USF3: variants seen among roughly 807,000 people sequenced by gnomAD.
The protein encoded by USF3 is basic helix-loop-helix domain-containing protein USF3.
A neutral mutation model predicts 157.5 loss-of-function variants in USF3; 29 were observed. That is an observed-to-expected ratio of 0.18 (90% CI 0.14 to 0.25). The LOEUF (loss-of-function observed/expected upper bound fraction) is 0.25, where lower values mean the gene tolerates loss of function less well. Ranked by LOEUF, USF3 falls within the 10% of genes least tolerant of loss-of-function variation. The pLI, the probability that USF3 is intolerant of heterozygous loss-of-function variation, is 1.00. For missense variants in USF3, 2,381 were observed against 2,667.6 expected (o/e 0.89, Z 2.37); for synonymous variants, 893 against 941.4 (o/e 0.95, Z 0.94).
chr3:113,675,096 G>A (rs1707246712), intron 2 of USF3, among the ~76,000 whole-genome samples, 200 bp from the exon 3 acceptor site: 1 of 152,290 alleles, frequency 6.6e-6, no homozygotes, highest in African/African-American at 2.4e-5. Context: ...GTAGAAAATG[G>A]TGAATATCAA....
chr3:113,658,792 T>C lies in USF3; in HGVS notation c.2890A>G (p.Thr964Ala). 1.9e-6 allele frequency: 3 copies of C among 1,614,196 alleles called. No homozygotes were observed. Among genetic ancestry groups the C allele is most frequent in the African/African-American group, 1.3e-5 (1 of 75,060 alleles). ...CAGTCAGTACTTGTAGTGCTTGTTG[T>C]AGATGACAAACCAGGAACCTGAGAA... The part of the protein sequence containing the change: ...LVSQVPGLSS[T>A]TSTTSTDCVS... Residue 964 changes from threonine (T) to alanine (A), a missense_variant, in exon 7 of 7, where the codon ACA becomes GCA. Physicochemically the swap from Thr to Ala is moderately conservative, Grantham distance 58. Around this residue, in one of 6 missense-constraint regions of USF3, gnomAD observed 1,435 missense variants for 1,550.9 expected, o/e 0.93. Coordinates refer to ENST00000316407, the MANE Select transcript of USF3 (RefSeq NM_001009899.4).
rs757590795 is a variant in USF3 at position 113,674,806 on chromosome 3, A to G, written c.47+26T>C. 4 of 1,600,338 alleles carry G rather than the reference A, an allele frequency of 2.5e-6. No individual in the cohort carries two copies. The East Asian group carries it at 8.9e-5, about 36-fold the overall frequency. ...TCTGCTTCTTATCTGCCCAAAGCAT[A>G]TTATATTGGGGCTGTGGATACATAC... On this transcript the variant is annotated intron_variant, in intron 3 of 6. Transcript: ENST00000316407.
chr3:113,658,426 A>G lies in USF3; in HGVS notation c.3256T>C (p.Ser1086Pro). The change falls in exon 7 of 7, where the codon TCT becomes CCT. Residue 1086 changes from serine to proline, a missense_variant. By Grantham distance (74) the Ser-to-Pro change is moderately conservative (BLOSUM62 -1). This residue lies in a region of USF3 where 1,435 missense variants were observed against 1,550.9 expected (regional missense o/e 0.93). Coordinates refer to ENST00000316407, the MANE Select transcript of USF3 (RefSeq NM_001009899.4). ...GSLINGRQAD[S>P]PMSTSSGSSR... Reference sequence around the variant, plus strand: ...CTGCCAGAGCTGGTTGACATGGGAGAGTCGGCCTGTCTACCGTTGATCAAA... The same window carrying G: ...CTGCCAGAGCTGGTTGACATGGGAGGGTCGGCCTGTCTACCGTTGATCAAA... 6.2e-7 allele frequency: 1 copy of G among 1,614,094 alleles called. No homozygotes were observed. The highest frequency in any genetic ancestry group is 8.5e-7 in the Non-Finnish European group (1 of 1,180,022).
At chr3:113,671,177 T>C (rs1707146338) in intron 4 of USF3, among the ~76,000 whole-genome samples, 1 of 152,228 alleles carries the variant, frequency 6.6e-6, no homozygotes, top group Non-Finnish European at 1.5e-5. Context: ...TTAATGATAA[T>C]CAAATTTAAA....
In USF3 at chr3:113,660,242, C is replaced by A. The variant is rs1239229273; in HGVS notation, c.1440G>T (p.Leu480Phe). ...HSRYVATDIN[L>F]NNSFPADGQP... Reference sequence around the variant, plus strand: ...GCCCATCTGCTGGAAAGGAATTATTCAAGTTGATGTCTGTAGCCACATATC... The same window carrying A: ...GCCCATCTGCTGGAAAGGAATTATTAAAGTTGATGTCTGTAGCCACATATC... Residue 480 changes from leucine to phenylalanine, a missense_variant, in exon 7 of 7, where the codon TTG (leucine) becomes TTT (phenylalanine). Physicochemically the swap from Leu to Phe is conservative, Grantham distance 22. Transcript: ENST00000316407. 6.2e-7 allele frequency: 1 copy of A among 1,614,176 alleles called. No individual in the cohort carries two copies. Among genetic ancestry groups the A allele is most frequent in the East Asian group, 2.2e-5 (1 of 44,886 alleles).
chr3:113,651,254 C>G lies in USF3; in HGVS notation c.*3690G>C, dbSNP rs1340659521. On this transcript the variant is annotated 3_prime_UTR_variant, in exon 7 of 7. Coordinates refer to ENST00000316407, the MANE Select transcript of USF3 (RefSeq NM_001009899.4). ...GACTCAGACATAACTTCGTGTATTT[C>G]CAGAAGTTAAAAAATTTAAATCAAT... 6.6e-6 allele frequency: 1 copy of G among 152,122 alleles called. No homozygotes were observed. Among genetic ancestry groups the G allele is most frequent in the Admixed American group, 6.6e-5 (1 of 15,266 alleles). The allele number at this position is 152,122 out of a possible 1,614,324, so 9.4% of individuals were successfully genotyped here.
intron 1 of USF3, among the ~76,000 whole-genome samples, chr3:113,694,766 C>T (rs1432363063): frequency 6.6e-6 from 1 of 152,184 alleles, no homozygotes; most frequent in Admixed American, 6.5e-5. Flanking sequence ...AATTTGAGGC[C>T]GGGCGCAGCG....
chr3:113,659,497 A>G lies in USF3; in HGVS notation c.2185T>C (p.Leu729=). Residue 729 remains leucine (L), a synonymous_variant, in exon 7 of 7, where the codon TTG becomes CTG. Transcript: ENST00000316407. The part of the protein sequence containing the change: ...SQMAGQSCVQ[L]SISQPANSQT... ...GAATTGGCAGGCTGGCTAATAGACA[A>G]TTGTACACAGCTTTGCCCAGCCATC... The G allele has an allele frequency of 1.9e-6, 3 of 1,614,230 alleles. No homozygotes were observed. The highest frequency in any genetic ancestry group is 2.2e-5 in the South Asian group (2 of 91,086).
At chr3:113,687,007 G>A (rs957931533) in intron 1 of USF3, among the ~76,000 whole-genome samples, 1 of 151,872 alleles carries the variant, frequency 6.6e-6, no homozygotes, top group Non-Finnish European at 1.5e-5. Context: ...TCTACCTCTT[G>A]GAAAAAGGAT....
intron 5 of USF3, among the ~76,000 whole-genome samples, chr3:113,665,400 T>A (rs74398258): frequency 0.014 from 2,193 of 152,276 alleles, 55 homozygotes; most frequent in African/African-American, 0.05. Flanking sequence ...AAGAGAGGAA[T>A]GTCACTTGAT....
intron 1 of USF3, among the ~76,000 whole-genome samples, chr3:113,683,464 C>CTTTTTTTTT (rs5851905): frequency 1.5e-4 from 13 of 87,112 alleles, no homozygotes; most frequent in Non-Finnish European, 2.3e-4. Flanking sequence ...TTATCCCCTG[C>CTTTTTTTTT]TTTTTTTTTT....
In USF3 at chr3:113,658,411, T is replaced by A. The variant is rs978561512; in HGVS notation, c.3271A>T (p.Ser1091Cys). The change falls in exon 7 of 7, where the codon AGC becomes TGC. Residue 1091 changes from serine (S) to cysteine (C), a missense_variant. Around this residue, in one of 6 missense-constraint regions of USF3, gnomAD observed 1,435 missense variants for 1,550.9 expected, o/e 0.93. Coordinates refer to ENST00000316407, the MANE Select transcript of USF3 (RefSeq NM_001009899.4). ...GRQADSPMST[S>C]SGSSRSFSVA... ...GAGAAACTACGACTACTGCCAGAGCTGGTTGACATGGGAGAGTCGGCCTGT... is the reference window on the plus strand; with the variant it reads ...GAGAAACTACGACTACTGCCAGAGCAGGTTGACATGGGAGAGTCGGCCTGT... The A allele has an allele frequency of 4.3e-6, 7 of 1,614,044 alleles. No individual in the cohort carries two copies. Among genetic ancestry groups the A allele is most frequent in the African/African-American group, 1.3e-5 (1 of 74,916 alleles).
intron 1 of USF3, among the ~76,000 whole-genome samples, chr3:113,679,945 T>C (rs551333368): frequency 6.6e-6 from 1 of 152,106 alleles, no homozygotes; most frequent in South Asian, 2.1e-4. Flanking sequence ...GAGTTTATGT[T>C]TTTCTTTTTT....
At chr3:113,661,568 A>T in intron 6 of USF3, 143 bp from the exon 7 acceptor site, 1 of 469,156 alleles carries the variant, frequency 2.1e-6, no homozygotes, top group South Asian at 5.4e-5. Context: ...CTCTTTTCTA[A>T]TACAACTTCT....
chr3:113,656,912 G>T lies in USF3; in HGVS notation c.4770C>A (p.Asn1590Lys), dbSNP rs1056684811. The change falls in exon 7 of 7, where the codon AAC becomes AAA. Residue 1590 changes from asparagine (N) to lysine (K), a missense_variant. Physicochemically the swap from Asn to Lys is moderately conservative, Grantham distance 94. Transcript: ENST00000316407. The stretch of plus-strand genomic sequence containing the variant: ...CTTGATTGAGATGGTTCTGGGGATG[G>T]TTATGATGGTTCCGACTAGTTGAAG... ...ENPSTSRNHH[N>K]HPQNHLNQDI... 5 of 1,614,058 alleles carry T rather than the reference G, an allele frequency of 3.1e-6. No homozygotes were observed. In the Admixed American group the frequency reaches 5.0e-5, roughly 16 times the overall value.
In USF3 at chr3:113,660,123, G is replaced by A. The variant is rs543823904; in HGVS notation, c.1559C>T (p.Pro520Leu). Residue 520 changes from proline (P) to leucine (L), a missense_variant, in exon 7 of 7, where the codon CCC becomes CTC. Coordinates refer to ENST00000316407, the MANE Select transcript of USF3 (RefSeq NM_001009899.4). ...IAQPQVKSQP[P>L]KNILPLNSAM... ...TGAATTCAGTGGAAGGATATTTTTGGGAGGCTGAGATTTAACTTGTGGCTG... is the reference window on the plus strand; with the variant it reads ...TGAATTCAGTGGAAGGATATTTTTGAGAGGCTGAGATTTAACTTGTGGCTG... 27 of 1,614,188 alleles carry A rather than the reference G, an allele frequency of 1.7e-5. 2 individuals carry two copies. The South Asian group carries it at 2.7e-4, about 16-fold the overall frequency.
intron 1 of USF3, among the ~76,000 whole-genome samples, chr3:113,680,550 G>A (rs1018702212): frequency 6.6e-6 from 1 of 151,922 alleles, no homozygotes; most frequent in Admixed American, 6.6e-5. Context: ...AGTGGCTCAC[G>A]CTTGTAATCC....
intron 5 of USF3, among the ~76,000 whole-genome samples, chr3:113,667,167 C>A (rs954786891): frequency 1.3e-5 from 2 of 152,220 alleles, no homozygotes; most frequent in South Asian, 4.1e-4. Context: ...AATACGTAAA[C>A]CCAGGAAGTT....
At chr3:113,681,554 ATTTT>A (rs566594731) in intron 1 of USF3, among the ~76,000 whole-genome samples, 3 of 127,050 alleles carry the variant, frequency 2.4e-5, no homozygotes, top group Non-Finnish European at 3.3e-5. Context: ...CGACTGGCTA[ATTTT>A]TTTTTTTTTT....
Sources: gnomAD v4.1 joint callset for allele counts (sites outside exome capture counted in the v4.1 genomes callset) on GRCh38, gnomAD v4.1.1 for gene constraint, gnomAD v4.1.1 regional missense constraint, MANE v1.5 for transcripts, NCBI Gene and HGNC (gene_info 2026-07-23, HGNC 2026-07-21) for gene names.